Variants in ACOXL observed in about 807,000 individuals in gnomAD.
ACOXL encodes acyl-CoA oxidase like.
In ACOXL, 70 loss-of-function variants were observed where a neutral mutation model predicts 71.9. The observed-to-expected ratio is 0.97, with a 90% confidence interval of 0.80 to 1.19. ACOXL has a LOEUF of 1.19. Ranked by LOEUF, ACOXL falls within the 50% of genes most tolerant of loss-of-function variation. ACOXL has a pLI of 0.00. For synonymous variants in ACOXL, 253 were observed against 281.6 expected (o/e 0.90, Z 1.02); for missense variants, 703 against 736.3 (o/e 0.95, Z 0.52).
intron 11 of ACOXL, among the ~76,000 whole-genome samples, chr2:110,933,222 T>C (rs544820215): frequency 3.3e-5 from 5 of 152,296 alleles, no homozygotes; most frequent in African/African-American, 1.2e-4. Context: ...CCTGCAACTT[T>C]TTCTCTATAT....
At chr2:111,079,993 T>C (rs1489754705) in intron 16 of ACOXL, among the ~76,000 whole-genome samples, 1 of 152,212 alleles carries the variant, frequency 6.6e-6, no homozygotes, top group East Asian at 1.9e-4. Flanking sequence ...CTTCTAGATT[T>C]TCTAGTTTAT....
At chr2:110,916,261 C>T (rs1177008222) in intron 11 of ACOXL, among the ~76,000 whole-genome samples, 1 of 151,224 alleles carries the variant, frequency 6.6e-6, no homozygotes, top group African/African-American at 2.4e-5. Flanking sequence ...TTTTTCTCAG[C>T]CAATTTTGCT....
At chr2:110,793,210 G>A (rs1684865407) in intron 3 of ACOXL, among the ~76,000 whole-genome samples, 1 of 152,230 alleles carries the variant, frequency 6.6e-6, no homozygotes, top group South Asian at 2.1e-4. Context: ...TCCTTTTGCA[G>A]CGTTGCCTCT....
chr2:111,041,138 G>C (rs974297648), intron 15 of ACOXL, among the ~76,000 whole-genome samples: 6 of 152,072 alleles, frequency 3.9e-5, no homozygotes, highest in Non-Finnish European at 7.4e-5. Context: ...GAGAGAACTG[G>C]GTCCAACTCA....
intron 10 of ACOXL, among the ~76,000 whole-genome samples, chr2:110,904,989 G>A (rs1466775214): frequency 1.3e-5 from 2 of 151,980 alleles, no homozygotes; most frequent in Non-Finnish European, 2.9e-5. Context: ...GCTGTCTTCA[G>A]CAATTAGCTG....
chr2:110,793,798 A>G lies in ACOXL; in HGVS notation c.246+62A>G, dbSNP rs1207718393. ...AGCCTTAAAAATCTGTAGTAGATAG[A>G]TATGCATGTGTGTATGTGTTTGAAG... On this transcript the variant is annotated intron_variant, in intron 4 of 17. Transcript: ENST00000439055. 2.3e-6 allele frequency: 3 copies of G among 1,278,354 alleles called. No homozygotes were observed. In the South Asian group the frequency reaches 3.6e-5, roughly 15 times the overall value. 79.2% of individuals were successfully genotyped at this position (1,278,354 alleles called of 1,614,324 possible).
intron 1 of ACOXL, among the ~76,000 whole-genome samples, chr2:110,756,196 G>T (rs377146074): frequency 6.6e-6 from 1 of 151,948 alleles, no homozygotes; most frequent in East Asian, 1.9e-4. Context: ...GCACGATCTC[G>T]GCTCACTGCA....
intron 12 of ACOXL, among the ~76,000 whole-genome samples, chr2:110,979,627 G>C (rs894902381): frequency 5.3e-5 from 8 of 152,156 alleles, no homozygotes; most frequent in Non-Finnish European, 1.0e-4. Context: ...AAGAGCACAG[G>C]GGGTGCGGGG....
intron 16 of ACOXL, among the ~76,000 whole-genome samples, chr2:111,061,793 A>G (rs553133103): frequency 6.6e-6 from 1 of 152,242 alleles, no homozygotes; most frequent in South Asian, 2.1e-4. Context: ...AAAGTTATAT[A>G]TACAAAATGT....
At chr2:110,752,339 C>T (rs56289191) in intron 1 of ACOXL, among the ~76,000 whole-genome samples, 3,848 of 152,034 alleles carry the variant, frequency 0.025, 74 homozygotes, top group East Asian at 0.055. Flanking sequence ...ACAAAAAATA[C>T]GTTGGGCATG....
chr2:110,888,874 A>C (rs1697623157), intron 10 of ACOXL, among the ~76,000 whole-genome samples: 1 of 152,228 alleles, frequency 6.6e-6, no homozygotes, highest in African/African-American at 2.4e-5. Context: ...TAAAACTGTG[A>C]CAGAAGGTGC....
intron 17 of ACOXL, among the ~76,000 whole-genome samples, chr2:111,110,352 T>C (rs752048158): frequency 4.4e-4 from 67 of 152,156 alleles, no homozygotes; most frequent in Non-Finnish European, 8.4e-4. Flanking sequence ...GTGAAAATGG[T>C]GAACTACAGT....
intron 11 of ACOXL, among the ~76,000 whole-genome samples, chr2:110,926,408 C>T (rs183706778): frequency 5.9e-5 from 9 of 152,240 alleles, no homozygotes; most frequent in Admixed American, 3.3e-4. Flanking sequence ...AGACAGGGCC[C>T]GGCATATCAT....
chr2:110,838,995 A>G (rs1032330622), intron 9 of ACOXL, among the ~76,000 whole-genome samples: 1 of 152,256 alleles, frequency 6.6e-6, no homozygotes, highest in Non-Finnish European at 1.5e-5. Flanking sequence ...TGTCCTTTTA[A>G]GAATGACAAT....
intron 9 of ACOXL, among the ~76,000 whole-genome samples, chr2:110,822,241 A>G (rs1230519163): frequency 6.6e-6 from 1 of 152,090 alleles, no homozygotes; most frequent in Admixed American, 6.5e-5. Flanking sequence ...TCTATAATAT[A>G]TATTCATTTG....
At chr2:110,828,647 G>A (rs576637344) in intron 9 of ACOXL, among the ~76,000 whole-genome samples, 1 of 152,348 alleles carries the variant, frequency 6.6e-6, no homozygotes. Flanking sequence ...CAACAAGCCT[G>A]TGAGTAAGGA....
At chr2:111,075,825 A>G (rs966768969) in intron 16 of ACOXL, among the ~76,000 whole-genome samples, 37 of 152,114 alleles carry the variant, frequency 2.4e-4, no homozygotes, top group Admixed American at 3.9e-4. Context: ...TGAATTATAT[A>G]TAGAATTATA....
At chr2:110,800,947 G>C (rs1288030195) in intron 7 of ACOXL, among the ~76,000 whole-genome samples, 1 of 152,200 alleles carries the variant, frequency 6.6e-6, no homozygotes, top group African/African-American at 2.4e-5. Flanking sequence ...GCCCTTGTAA[G>C]CTGCTACATG....
chr2:110,925,853 C>CTTTTTTTTTTTTTTTTTTTTTTTTTTTT, intron 11 of ACOXL, among the ~76,000 whole-genome samples: 1 of 121,024 alleles, frequency 8.3e-6, no homozygotes, highest in Non-Finnish European at 1.7e-5. Context: ...TTACTTCTAG[C>CTTTTTTTTTTTTTTTTTTTTTTTTTTTT]TTTTTTTTTT....
Sources: gnomAD v4.1 joint callset for allele counts (sites outside exome capture counted in the v4.1 genomes callset) on GRCh38, gnomAD v4.1.1 for gene constraint, MANE v1.5 for transcripts, NCBI Gene and HGNC (gene_info 2026-07-23, HGNC 2026-07-21) for gene names.